The following SLC22A2 variants were observed in gnomAD, a reference collection of about 807,000 sequenced individuals.
The protein encoded by SLC22A2 is organic cation transporter 2.
Under a neutral mutation model 60.5 loss-of-function variants are expected in SLC22A2, and 46 were observed. That is an observed-to-expected ratio of 0.76 (90% confidence interval 0.60 to 0.97). The LOEUF (loss-of-function observed/expected upper bound fraction) is 0.97. Among genes scored for constraint, SLC22A2 ranks in the 50% least tolerant of loss-of-function variants. The pLI, the probability that SLC22A2 is intolerant of heterozygous loss-of-function variation, is 0.00. For synonymous variants in SLC22A2, 303 were observed against 267.0 expected (o/e 1.13, Z -1.31); for missense variants, 701 against 706.6 (o/e 0.99, Z 0.09).
intron 9 of SLC22A2, among the ~76,000 whole-genome samples, chr6:160,233,467 C>T (rs570574176): frequency 2.0e-5 from 3 of 151,782 alleles, no homozygotes; most frequent in South Asian, 4.2e-4. Context: ...ACACACCTCA[C>T]GAAGCTCAGC....
chr6:160,217,392 C>T lies in SLC22A2; in HGVS notation c.*40G>A, dbSNP rs960561919. The T allele has an allele frequency of 4.5e-6, 6 of 1,340,792 alleles. No individual in the cohort carries two copies. The highest frequency in any genetic ancestry group is 1.8e-5 in the Admixed American group (1 of 55,880). The allele number at this position is 1,340,792 out of a possible 1,614,324, so 83.1% of individuals were successfully genotyped here. On this transcript the variant is annotated 3_prime_UTR_variant, in exon 11 of 11. Coordinates refer to ENST00000366953, the MANE Select transcript of SLC22A2 (RefSeq NM_003058.4). ...GGATTTCTACTTTTGGTCTTGCTGC[C>T]ATCAAAGCTAGGTCATGACAGCAGC...
intron 9 of SLC22A2, among the ~76,000 whole-genome samples, chr6:160,239,770 A>G (rs1583396075): frequency 6.6e-6 from 1 of 152,204 alleles, no homozygotes; most frequent in East Asian, 1.9e-4. Context: ...TGGCCAAGTT[A>G]TCTCAGGATA....
At chr6:160,237,131 T>C (rs535527697) in intron 9 of SLC22A2, among the ~76,000 whole-genome samples, 7 of 152,178 alleles carry the variant, frequency 4.6e-5, no homozygotes, top group Non-Finnish European at 8.8e-5. Context: ...TCCTGCACTT[T>C]AGACTGACCC....
At position 160,250,514 on chromosome 6, in the gene SLC22A2, T is replaced by C. The variant is rs1309387285; in HGVS notation, c.673+34A>G. ...ACTCTATTTTGGCAGCGAGGTTGCTTTGTTCTCACAGTTGCAAGCACAAAC... is the reference window on the plus strand; with the variant it reads ...ACTCTATTTTGGCAGCGAGGTTGCTCTGTTCTCACAGTTGCAAGCACAAAC... On this transcript the variant is annotated intron_variant, in intron 3 of 10. Transcript: ENST00000366953. 5.0e-6 allele frequency: 8 copies of C among 1,613,102 alleles called. No homozygotes were observed. The East Asian group carries it at 1.8e-4, about 36-fold the overall frequency.
chr6:160,250,758 G>T (rs1783171151), intron 2 of SLC22A2, 56 bp from the exon 3 acceptor site: 14 of 1,548,892 alleles, frequency 9.0e-6, no homozygotes, highest in Non-Finnish European at 1.2e-5. Flanking sequence ...TGTGAAGATT[G>T]TGGAAAATGC....
chr6:160,248,596 C>T (rs1037441675), intron 4 of SLC22A2, among the ~76,000 whole-genome samples: 1 of 152,092 alleles, frequency 6.6e-6, no homozygotes. Flanking sequence ...ATCCAGTATC[C>T]CCTTTGCTTT....
intron 9 of SLC22A2, among the ~76,000 whole-genome samples, chr6:160,234,630 G>A (rs1017351184): frequency 1.3e-5 from 2 of 152,224 alleles, no homozygotes; most frequent in African/African-American, 4.8e-5. Context: ...GCTTGAACTT[G>A]TAACCACATG....
intron 7 of SLC22A2, 53 bp downstream of exon 7, chr6:160,243,519 C>T: frequency 1.6e-6 from 2 of 1,279,306 alleles, no homozygotes; most frequent in South Asian, 1.2e-5. Flanking sequence ...GGCCGTGACA[C>T]TCCCTTTCTC....
chr6:160,235,664 G>A (rs954389599), intron 9 of SLC22A2, among the ~76,000 whole-genome samples: 14 of 151,132 alleles, frequency 9.3e-5, no homozygotes, highest in Admixed American at 7.3e-4. Context: ...TGAACATTAG[G>A]ATAAAAGCAC....
At chr6:160,227,996 C>T (rs1782751232) in intron 9 of SLC22A2, among the ~76,000 whole-genome samples, 1 of 152,214 alleles carries the variant, frequency 6.6e-6, no homozygotes, top group Non-Finnish European at 1.5e-5. Flanking sequence ...CATTAATAAC[C>T]CACCTTTTGT....
intron 1 of SLC22A2, chr6:160,257,896 A>G (rs901131781): frequency 6.4e-5 from 10 of 156,640 alleles, no homozygotes; most frequent in Non-Finnish European, 1.4e-5. Context: ...AAGAGAAAAA[A>G]TAGGTATCGA....
chr6:160,228,515 C>G (rs1782764557), intron 9 of SLC22A2, among the ~76,000 whole-genome samples: 1 of 152,156 alleles, frequency 6.6e-6, no homozygotes, highest in Non-Finnish European at 1.5e-5. Flanking sequence ...AGTAAAGTCC[C>G]CCTCAGCTAA....
intron 4 of SLC22A2, among the ~76,000 whole-genome samples, chr6:160,247,900 GGA>G (rs1229844377): frequency 6.6e-6 from 1 of 152,174 alleles, no homozygotes; most frequent in African/African-American, 2.4e-5. Context: ...AGGAGAAACT[GGA>G]GAAAGGAGAT....
intron 6 of SLC22A2, chr6:160,244,090 AT>A (rs917622600): frequency 3.4e-5 from 9 of 267,916 alleles, no homozygotes; most frequent in South Asian, 1.4e-4. Flanking sequence ...GATTTATTTT[AT>A]TTATTTATTT....
chr6:160,226,264 C>A (rs919731696), intron 9 of SLC22A2, among the ~76,000 whole-genome samples: 1 of 152,184 alleles, frequency 6.6e-6, no homozygotes, highest in Non-Finnish European at 1.5e-5. Flanking sequence ...GGCTCACTGG[C>A]TTCCCCCACC....
At chr6:160,231,789 TC>T (rs1237403895) in intron 9 of SLC22A2, among the ~76,000 whole-genome samples, 1 of 151,818 alleles carries the variant, frequency 6.6e-6, no homozygotes, top group Non-Finnish European at 1.5e-5. Flanking sequence ...CACTCCCCTT[TC>T]CATTCCTTAA....
At chr6:160,256,779 C>T in intron 1 of SLC22A2, 62 bp from the exon 2 acceptor site, 1 of 1,124,194 alleles carries the variant, frequency 8.9e-7, no homozygotes. Flanking sequence ...CTGTTAGAAT[C>T]CTGTTGGACA....
Position 160,250,527 on chromosome 6 carries a change from T to A in SLC22A2, c.673+21A>T, listed in dbSNP as rs751810550. 3.1e-6 allele frequency: 5 copies of A among 1,613,794 alleles called. No homozygotes were observed. The South Asian group carries it at 5.5e-5, about 18-fold the overall frequency. On this transcript the variant is annotated intron_variant, in intron 3 of 10. Coordinates refer to ENST00000366953, the MANE Select transcript of SLC22A2 (RefSeq NM_003058.4). Reference sequence around the variant, plus strand: ...AGCGAGGTTGCTTTGTTCTCACAGTTGCAAGCACAAACATTCTTACTCAGG... The same window carrying A: ...AGCGAGGTTGCTTTGTTCTCACAGTAGCAAGCACAAACATTCTTACTCAGG...
intron 1 of SLC22A2, among the ~76,000 whole-genome samples, chr6:160,257,360 G>C (rs1019257921): frequency 6.6e-6 from 1 of 152,098 alleles, no homozygotes; most frequent in African/African-American, 2.4e-5. Flanking sequence ...GGAGGTGGTC[G>C]GGTGGAGCAG....
Sources: gnomAD v4.1 joint callset for allele counts (sites outside exome capture counted in the v4.1 genomes callset) on GRCh38, gnomAD v4.1.1 for gene constraint, MANE v1.5 for transcripts, NCBI Gene and HGNC (gene_info 2026-07-23, HGNC 2026-07-21) for gene names.